The following PRMT8 variants were observed in gnomAD, a reference collection of about 807,000 sequenced individuals.
The protein encoded by PRMT8 is protein arginine N-methyltransferase 8.
Under a neutral mutation model 47.1 loss-of-function variants are expected in PRMT8, and 7 were observed. The observed-to-expected ratio is 0.15, with a 90% CI of 0.08 to 0.28. The LOEUF (loss-of-function observed/expected upper bound fraction) is 0.28. Among genes scored for constraint, PRMT8 ranks in the 10% least tolerant of loss-of-function variants. The pLI is 1.00. For missense variants in PRMT8, 237 were observed against 505.4 expected (o/e 0.47, Z 5.09); for synonymous variants, 188 against 186.5 (o/e 1.01, Z -0.07).
intron 1 of PRMT8, among the ~76,000 whole-genome samples, chr12:3,408,559 T>C (rs552170075): frequency 1.3e-5 from 2 of 152,346 alleles, no homozygotes; most frequent in South Asian, 4.1e-4. Context: ...GAACATTATT[T>C]TGAATTTCTT....
chr12:3,528,699 C>G (rs1309248458), intron 1 of PRMT8, among the ~76,000 whole-genome samples: 1 of 151,846 alleles, frequency 6.6e-6, no homozygotes, highest in African/African-American at 2.4e-5. Context: ...TCTTTGCAAG[C>G]CTAGTAATTT....
At chr12:3,555,368 G>T (rs1267243728) in intron 4 of PRMT8, among the ~76,000 whole-genome samples, 1 of 152,202 alleles carries the variant, frequency 6.6e-6, no homozygotes, top group Non-Finnish European at 1.5e-5. Context: ...GGCTGACAAA[G>T]GTGAGGGGAA....
chr12:3,519,170 C>T (rs960604861), intron 1 of PRMT8, among the ~76,000 whole-genome samples: 5 of 150,550 alleles, frequency 3.3e-5, no homozygotes, highest in Non-Finnish European at 5.9e-5. Flanking sequence ...CGGCTCAGCT[C>T]GTGGCCAGAG....
chr12:3,415,036 C>T (rs1331613031), intron 1 of PRMT8, among the ~76,000 whole-genome samples: 1 of 152,072 alleles, frequency 6.6e-6, no homozygotes, highest in African/African-American at 2.4e-5. Flanking sequence ...AATGCCAAAC[C>T]CAAGCCCCAG....
intron 1 of PRMT8, among the ~76,000 whole-genome samples, chr12:3,426,670 G>C (rs1371710494): frequency 6.6e-6 from 1 of 152,146 alleles, no homozygotes; most frequent in East Asian, 1.9e-4. Context: ...TTAATAACTA[G>C]ATGGTCAGCA....
intron 1 of PRMT8, among the ~76,000 whole-genome samples, chr12:3,447,123 G>A (rs970769896): frequency 1.3e-5 from 2 of 152,128 alleles, no homozygotes; most frequent in African/African-American, 2.4e-5. Context: ...GACAGAACCC[G>A]TGCAAAGACC....
At chr12:3,544,549 G>C (rs1156719613) in intron 2 of PRMT8, among the ~76,000 whole-genome samples, 1 of 152,162 alleles carries the variant, frequency 6.6e-6, no homozygotes, top group Admixed American at 6.6e-5. Context: ...CTACAGAAGT[G>C]GGGGACCGCC....
intron 1 of PRMT8, among the ~76,000 whole-genome samples, chr12:3,494,224 A>G (rs977969393): frequency 2.0e-5 from 3 of 152,150 alleles, no homozygotes; most frequent in Non-Finnish European, 4.4e-5. Context: ...AGTTCCAAAC[A>G]TGAGGACCAC....
chr12:3,533,936 G>A (rs1044777786), intron 1 of PRMT8, among the ~76,000 whole-genome samples: 7 of 152,244 alleles, frequency 4.6e-5, no homozygotes, highest in Non-Finnish European at 7.3e-5. Context: ...TATGCAGAAC[G>A]GGAGCCACAG....
At chr12:3,458,700 C>A (rs1033107516) in intron 1 of PRMT8, among the ~76,000 whole-genome samples, 4 of 152,242 alleles carry the variant, frequency 2.6e-5, no homozygotes, top group African/African-American at 4.8e-5. Flanking sequence ...CCCTCCTCTT[C>A]TTTGGCAAAT....
At chr12:3,460,438 C>A (rs1180737575) in intron 1 of PRMT8, among the ~76,000 whole-genome samples, 1 of 152,158 alleles carries the variant, frequency 6.6e-6, no homozygotes, top group African/African-American at 2.4e-5. Context: ...GCAGTGGTTA[C>A]TTGTAGACTT....
chr12:3,426,933 CGTGAT>C (rs1182810190), intron 1 of PRMT8, among the ~76,000 whole-genome samples: 5 of 151,882 alleles, frequency 3.3e-5, no homozygotes, highest in Non-Finnish European at 5.9e-5. Context: ...TTGATGAGAA[CGTGAT>C]CGTCAGGCTG....
chr12:3,567,593 A>G (rs1287233822), intron 4 of PRMT8, among the ~76,000 whole-genome samples: 2 of 152,176 alleles, frequency 1.3e-5, no homozygotes, highest in Non-Finnish European at 2.9e-5. Context: ...CACTGCTGCT[A>G]CTCAACCTCT....
At chr12:3,536,915 G>A (rs541576918) in intron 1 of PRMT8, among the ~76,000 whole-genome samples, 1 of 152,304 alleles carries the variant, frequency 6.6e-6, no homozygotes, top group South Asian at 2.1e-4. Flanking sequence ...TCACTTTGTG[G>A]AACATTTCAG....
At chr12:3,448,730 A>T (rs1565410448) in intron 1 of PRMT8, among the ~76,000 whole-genome samples, 4 of 151,502 alleles carry the variant, frequency 2.6e-5, no homozygotes, top group African/African-American at 9.7e-5. Context: ...CTTTTTAAAA[A>T]TTTTATTTTA....
Position 3,409,997 on chromosome 12 carries a change from G to A in PRMT8, c.48+28555G>A, listed in dbSNP as rs1180956567. Among the ~76,000 whole-genome samples the A allele has an allele frequency of 6.6e-6, 1 of 152,198 alleles. No homozygotes were observed. On this transcript the variant is annotated intron_variant, in intron 1 of 9. Transcript: ENST00000452611. This position sits in a 1 kb window ranked among gnomAD's most constrained non-coding sequence, Gnocchi z 4.4. Reference sequence around the variant, plus strand: ...AGTGGCTCTGGCCCTCTGGCAGCCTGTTACCTCTGGTTAGCTCCTGATCCT... The same window carrying A: ...AGTGGCTCTGGCCCTCTGGCAGCCTATTACCTCTGGTTAGCTCCTGATCCT...
At position 3,575,028 on chromosome 12, in the gene PRMT8, G is replaced by A. The variant is rs570983618; in HGVS notation, c.713-1843G>A. Among the ~76,000 whole-genome samples the A allele has an allele frequency of 2.6e-5, 4 of 152,314 alleles. No individual in the cohort carries two copies. The South Asian group carries it at 8.3e-4, about 32-fold the overall frequency. On this transcript the variant is annotated intron_variant, in intron 6 of 9. Coordinates refer to ENST00000382622, the MANE Select transcript of PRMT8 (RefSeq NM_019854.5). The stretch of plus-strand genomic sequence containing the variant: ...TGAAACCTGCCCTGTTGCCAACTAA[G>A]CAGCCTCCTCCCCACGAAGTAGGTT...
intron 1 of PRMT8, among the ~76,000 whole-genome samples, chr12:3,442,698 A>G (rs989146222): frequency 6.6e-6 from 1 of 152,166 alleles, no homozygotes; most frequent in Non-Finnish European, 1.5e-5. Flanking sequence ...TCACTCTGTC[A>G]CCCAGGCTGG....
chr12:3,541,200 C>T (rs1027718783), intron 2 of PRMT8, among the ~76,000 whole-genome samples: 4 of 152,226 alleles, frequency 2.6e-5, no homozygotes, highest in Non-Finnish European at 5.9e-5. Flanking sequence ...TCATGATGTG[C>T]ATTCTTTTGA....
Sources: gnomAD v4.1 joint callset for allele counts (sites outside exome capture counted in the v4.1 genomes callset) on GRCh38, gnomAD v4.1.1 for gene constraint, Gnocchi (gnomAD v3.1) non-coding constraint, MANE v1.5 for transcripts, NCBI Gene and HGNC (gene_info 2026-07-23, HGNC 2026-07-21) for gene names.